The following SHANK2 variants were observed in gnomAD, a reference collection of about 807,000 sequenced individuals.
SHANK2 encodes the protein SH3 and multiple ankyrin repeat domains 2, also known as SH3 and multiple ankyrin repeat domains protein 2.
In SHANK2, 43 loss-of-function variants were observed where a neutral mutation model predicts 133.7. The observed-to-expected ratio is 0.32, with a 90% CI of 0.25 to 0.41. SHANK2 has a LOEUF of 0.41. SHANK2 is among the 10% of genes least tolerant of loss of function. The pLI is 1.00. For missense variants in SHANK2, 1,994 were observed against 2,235.8 expected, an observed-to-expected ratio of 0.89 and a Z score of 2.18; for synonymous variants, 1,017 against 952.8, an observed-to-expected ratio of 1.07 and a Z score of -1.24.
rs117567334 is a variant in SHANK2 at position 70,873,880 on chromosome 11, G to T, written c.1174+22621C>A. On this transcript the variant is annotated intron_variant, in intron 11 of 25. Transcript: ENST00000601538. Reference sequence around the variant, plus strand: ...AGCACCAGCCTCCTGTCACTAGCACGCTGGGCAAGCTGCCCTCAAAAACAG... The same window carrying T: ...AGCACCAGCCTCCTGTCACTAGCACTCTGGGCAAGCTGCCCTCAAAAACAG... 3.1e-3 allele frequency among the ~76,000 whole-genome samples: 475 copies of T among 152,168 alleles called. 3 individuals carry two copies. Among genetic ancestry groups the T allele is most frequent in the East Asian group, 0.028 (146 of 5,174 alleles).
intron 2 of SHANK2, among the ~76,000 whole-genome samples, chr11:71,201,389 G>A (rs536020147): frequency 1.6e-4 from 24 of 152,330 alleles, no homozygotes; most frequent in Middle Eastern, 3.4e-3. Flanking sequence ...ACCGCTGCCC[G>A]CCCGGAGATT....
chr11:70,692,060 G>T (rs1388137898), intron 15 of SHANK2, among the ~76,000 whole-genome samples: 1 of 152,154 alleles, frequency 6.6e-6, no homozygotes, highest in African/African-American at 2.4e-5. Flanking sequence ...GGAACAAATG[G>T]GGTGTGCTTC....
At chr11:71,117,221 T>C (rs568029643) in intron 4 of SHANK2, among the ~76,000 whole-genome samples, 1 of 152,262 alleles carries the variant, frequency 6.6e-6, no homozygotes, top group Admixed American at 6.5e-5. Context: ...AGTTTCACCA[T>C]GTTGGCCAGG....
At chr11:71,210,236 A>G (rs368959824) in intron 2 of SHANK2, among the ~76,000 whole-genome samples, 11 of 76,504 alleles carry the variant, frequency 1.4e-4, no homozygotes, top group Admixed American at 6.9e-4. Flanking sequence ...ATATATATAT[A>G]TATATATATA....
intron 17 of SHANK2, among the ~76,000 whole-genome samples, chr11:70,638,803 C>G (rs2061139770): frequency 1.3e-5 from 2 of 152,036 alleles, no homozygotes; most frequent in South Asian, 4.2e-4. Context: ...TCGAGACCAA[C>G]CTGGCCAACA....
rs1281523046 is a variant in SHANK2, at chr11:70,468,223, A to C, written c.*4646T>G. 1 of 152,224 alleles carries C rather than the reference A, an allele frequency of 6.6e-6. No homozygotes were observed. The highest frequency in any genetic ancestry group is 1.5e-5 in the Non-Finnish European group (1 of 68,044). 9.4% of individuals were successfully genotyped at this position (152,224 alleles called of 1,614,324 possible). A position where few individuals can be genotyped will look rare whatever the true frequency, so the allele number is the denominator to read the frequency against. Reference sequence around the variant, plus strand: ...TTAAAATTTCAAAATTGGCATGAACAAAGAGTTCCAGAGTGGAATCAATGG... The same window carrying C: ...TTAAAATTTCAAAATTGGCATGAACCAAGAGTTCCAGAGTGGAATCAATGG... On this transcript the variant is annotated 3_prime_UTR_variant, in exon 26 of 26. Transcript: ENST00000601538.
chr11:70,582,132 G>A (rs961418141), intron 17 of SHANK2, among the ~76,000 whole-genome samples: 24 of 152,234 alleles, frequency 1.6e-4, no homozygotes, highest in African/African-American at 5.5e-4. Flanking sequence ...GACCCAGGGC[G>A]GAGAGTCCAA....
chr11:71,074,773 A>ATTTTTTTTTTTTTTTT (rs36140840), intron 9 of SHANK2, among the ~76,000 whole-genome samples: 1 of 92,524 alleles, frequency 1.1e-5, no homozygotes, highest in Admixed American at 1.3e-4. Context: ...ACCTAAGCCA[A>ATTTTTTTTTTTTTTTT]TTTTTTTTTT....
At chr11:70,598,275 GAGA>G (rs67648917) in intron 17 of SHANK2, among the ~76,000 whole-genome samples, 29,422 of 152,094 alleles carry the variant, frequency 0.19, 3,124 homozygotes, top group East Asian at 0.39. Flanking sequence ...TTGGAAGGTG[GAGA>G]AGAATAGAGG....
intron 1 of SHANK2, among the ~76,000 whole-genome samples, chr11:71,250,121 C>G (rs1310853271): frequency 8.0e-5 from 10 of 124,906 alleles, no homozygotes; most frequent in South Asian, 3.0e-4. Context: ...CCCCCCTCCC[C>G]GGGGGTGGGG....
chr11:70,592,483 C>T (rs1308795400), intron 17 of SHANK2, among the ~76,000 whole-genome samples: 4 of 149,154 alleles, frequency 2.7e-5, no homozygotes, highest in African/African-American at 9.7e-5. Flanking sequence ...ACACCCAGCT[C>T]TGCATCCCAG....
At chr11:70,687,965 C>T (rs541384383) in intron 15 of SHANK2, among the ~76,000 whole-genome samples, 1 of 152,364 alleles carries the variant, frequency 6.6e-6, no homozygotes, top group African/African-American at 2.4e-5. Context: ...CTGCTCTGAG[C>T]CAGGAGCCTC....
chr11:71,215,416 G>C, intron 2 of SHANK2, among the ~76,000 whole-genome samples: 1 of 152,180 alleles, frequency 6.6e-6, no homozygotes, highest in Non-Finnish European at 1.5e-5. Flanking sequence ...TTCTGCCCTG[G>C]TCACCCCTGG....
chr11:70,934,560 T>A lies in SHANK2; in HGVS notation c.1108-37993A>T, dbSNP rs555867601. ...CCAGGAAGGCCACTGGGTCTCAGAC[T>A]AAGTCACCCCCAGATAGCCTCTCCT... On this transcript the variant is annotated intron_variant, in intron 10 of 25. Coordinates refer to ENST00000601538, the MANE Select transcript of SHANK2 (RefSeq NM_012309.5). Among the ~76,000 whole-genome samples, 11 of 152,346 alleles carry A rather than the reference T, an allele frequency of 7.2e-5. No individual in the cohort carries two copies. The East Asian group carries it at 1.9e-3, about 27-fold the overall frequency.
At chr11:70,910,340 C>T (rs1265998868) in intron 10 of SHANK2, among the ~76,000 whole-genome samples, 2 of 152,162 alleles carry the variant, frequency 1.3e-5, no homozygotes, top group African/African-American at 2.4e-5. Flanking sequence ...GTGTCTGAGG[C>T]CTGCACAAGG....
intron 17 of SHANK2, among the ~76,000 whole-genome samples, chr11:70,518,905 A>C (rs1361023556): frequency 6.6e-6 from 1 of 152,112 alleles, no homozygotes; most frequent in Admixed American, 6.5e-5. Flanking sequence ...TACTAGTTGG[A>C]ATAATTTTTA....
At chr11:70,509,443 AG>A (rs36083046) in intron 17 of SHANK2, among the ~76,000 whole-genome samples, 68,590 of 152,024 alleles carry the variant, frequency 0.45, 18,710 homozygotes, top group Non-Finnish European at 0.6. Flanking sequence ...TATCCCATTG[AG>A]GGGGGGCTCC....
At chr11:70,818,123 G>A (rs577805167) in intron 12 of SHANK2, among the ~76,000 whole-genome samples, 2 of 152,294 alleles carry the variant, frequency 1.3e-5, no homozygotes, top group East Asian at 3.9e-4. Flanking sequence ...ACAGAAGCGT[G>A]TATGCAGGAG....
At chr11:71,142,556 G>A (rs1336193922) in intron 3 of SHANK2, among the ~76,000 whole-genome samples, 1 of 151,864 alleles carries the variant, frequency 6.6e-6, no homozygotes, top group African/African-American at 2.4e-5. Context: ...AAAATGCCAA[G>A]CAATTAAAGC....
Sources: allele counts gnomAD v4.1 joint callset (sites outside exome capture counted in the v4.1 genomes callset), GRCh38; gene constraint gnomAD v4.1.1; transcripts MANE v1.5; gene names NCBI Gene and HGNC (gene_info 2026-07-23, HGNC 2026-07-21).